Variants in SRPK1 observed in about 807,000 individuals in gnomAD.
SRPK1 encodes the protein SRSF protein kinase 1.
In SRPK1, 52 loss-of-function variants were observed where a neutral mutation model predicts 89.5. The observed-to-expected ratio is 0.58, with a 90% CI of 0.46 to 0.73. SRPK1 has a LOEUF of 0.73. Among genes scored for constraint, SRPK1 ranks in the 30% least tolerant of loss-of-function variants. The pLI is 0.00. For synonymous variants in SRPK1, 255 were observed against 270.2 expected (o/e 0.94, Z 0.55); for missense variants, 603 against 780.6 (o/e 0.77, Z 2.71).
intron 15 of SRPK1, 118 bp from the exon 16 acceptor site, chr6:35,835,606 GA>G: frequency 3.5e-6 from 3 of 846,858 alleles, no homozygotes; most frequent in Non-Finnish European, 3.4e-6. Context: ...TTTGCAATCA[GA>G]ATCTAATCCT....
chr6:35,854,854 A>G (rs1769634515), intron 13 of SRPK1, among the ~76,000 whole-genome samples: 2 of 152,216 alleles, frequency 1.3e-5, no homozygotes, highest in African/African-American at 4.8e-5. Context: ...TCTATCATTT[A>G]TGATTTTCTA....
intron 2 of SRPK1, among the ~76,000 whole-genome samples, chr6:35,914,050 A>G (rs1015857352): frequency 2.3e-4 from 30 of 133,174 alleles, no homozygotes; most frequent in Admixed American, 1.1e-3. Context: ...ATCTCGGCTC[A>G]CTGCAACCTC....
intron 2 of SRPK1, among the ~76,000 whole-genome samples, chr6:35,907,508 C>A (rs1581598699): frequency 6.6e-6 from 1 of 152,010 alleles, no homozygotes; most frequent in Non-Finnish European, 1.5e-5. Flanking sequence ...GAGTTCAAGA[C>A]CAGCCTGACC....
chr6:35,835,368 T>G lies in SRPK1; in HGVS notation c.1904A>C (p.Glu635Ala). Residue 635 changes from glutamate (E) to alanine (A), a missense_variant, in exon 16 of 16, where the codon GAG (glutamate) becomes GCG (alanine). Transcript: ENST00000373825. ...AGTGGCTCTCTTCTCAGGGATCAGC[T>G]CCAACATGGGCAGTAAGAAATCTGT... The part of the protein sequence containing the change: ...GFTDFLLPML[E>A]LIPEKRATAA... The G allele has an allele frequency of 6.2e-7, 1 of 1,613,822 alleles. No individual in the cohort carries two copies. The highest frequency in any genetic ancestry group is 8.5e-7 in the Non-Finnish European group (1 of 1,179,842).
chr6:35,908,820 G>A (rs1469878926), intron 2 of SRPK1, among the ~76,000 whole-genome samples: 1 of 152,236 alleles, frequency 6.6e-6, no homozygotes, highest in Non-Finnish European at 1.5e-5. Flanking sequence ...AAAGCTAAAA[G>A]GGGCTAAGGT....
intron 13 of SRPK1, among the ~76,000 whole-genome samples, chr6:35,850,729 T>C (rs1051405177): frequency 2.1e-4 from 32 of 152,124 alleles, no homozygotes; most frequent in African/African-American, 7.2e-4. Flanking sequence ...CTCTGCCTCA[T>C]ATAGAAAGCA....
chr6:35,850,054 G>T (rs1236411463), intron 13 of SRPK1, among the ~76,000 whole-genome samples: 1 of 152,092 alleles, frequency 6.6e-6, no homozygotes, highest in African/African-American at 2.4e-5. Context: ...ACAGAGACTG[G>T]GGGGTGAAGA....
chr6:35,845,984 C>T (rs1769417567), intron 13 of SRPK1, among the ~76,000 whole-genome samples: 1 of 152,044 alleles, frequency 6.6e-6, no homozygotes, highest in Non-Finnish European at 1.5e-5. Flanking sequence ...CAATCCATAC[C>T]AAAGGGAAGT....
At chr6:35,887,398 G>A (rs1770433663) in intron 5 of SRPK1, among the ~76,000 whole-genome samples, 1 of 152,042 alleles carries the variant, frequency 6.6e-6, no homozygotes, top group Non-Finnish European at 1.5e-5. Flanking sequence ...ATCTCCTGGT[G>A]CAACATTCTC....
chr6:35,842,457 C>T (rs1403714323), intron 14 of SRPK1, 78 bp downstream of exon 14: 46 of 1,131,430 alleles, frequency 4.1e-5, no homozygotes, highest in South Asian at 1.4e-4. Flanking sequence ...TAAGGCTCTT[C>T]GGTACTAACA....
At position 35,835,079 on chromosome 6, in the gene SRPK1, T is replaced by C. The variant is rs1459779109; in HGVS notation, c.*225A>G. On this transcript the variant is annotated 3_prime_UTR_variant, in exon 16 of 16. Transcript: ENST00000373825. ...TTTCACATTTTAGTCCATTAGTCTT[T>C]GGCAGAGCCCAACCAAGGCCAAATT... 2 of 437,418 alleles carry C rather than the reference T, an allele frequency of 4.6e-6. No individual in the cohort carries two copies. The highest frequency in any genetic ancestry group is 3.9e-5 in the African/African-American group (2 of 51,462). The allele number at this position is 437,418 out of a possible 1,614,324, so 27.1% of individuals were successfully genotyped here. A position where few individuals can be genotyped will look rare whatever the true frequency, so the allele number is the denominator to read the frequency against.
intron 2 of SRPK1, among the ~76,000 whole-genome samples, chr6:35,918,313 C>T (rs189931431): frequency 9.2e-5 from 14 of 152,218 alleles, no homozygotes; most frequent in Non-Finnish European, 1.9e-4. Context: ...CCAGCCTGGG[C>T]AACATGGCGA....
intron 6 of SRPK1, among the ~76,000 whole-genome samples, chr6:35,874,561 TTCA>T (rs1770113085): frequency 1.3e-5 from 2 of 152,328 alleles, no homozygotes; most frequent in South Asian, 4.1e-4. Flanking sequence ...GGCGGCTGGC[TTCA>T]TCAATATTAT....
chr6:35,853,936 A>G (rs1474992319), intron 13 of SRPK1, among the ~76,000 whole-genome samples: 1 of 147,742 alleles, frequency 6.8e-6, no homozygotes, highest in Non-Finnish European at 1.5e-5. Flanking sequence ...CTTCACAAAT[A>G]TTTTCCCCTT....
intron 14 of SRPK1, among the ~76,000 whole-genome samples, chr6:35,839,723 A>T (rs1207741970): frequency 6.8e-6 from 1 of 147,560 alleles, no homozygotes; most frequent in African/African-American, 2.5e-5. Context: ...CTCTGTCGCC[A>T]GGCTGGAGTG....
At chr6:35,858,409 T>C (rs1243849915) in intron 12 of SRPK1, among the ~76,000 whole-genome samples, 1 of 152,268 alleles carries the variant, frequency 6.6e-6, no homozygotes, top group African/African-American at 2.4e-5. Context: ...CATCAAATTT[T>C]TAGTATAAGA....
At chr6:35,837,672 C>A (rs533991162) in intron 15 of SRPK1, among the ~76,000 whole-genome samples, 150 of 152,140 alleles carry the variant, frequency 9.9e-4, no homozygotes, top group African/African-American at 3.5e-3. Flanking sequence ...CCTCCCACCC[C>A]AGCTTTCGGA....
intron 6 of SRPK1, among the ~76,000 whole-genome samples, chr6:35,880,168 TA>T (rs200976261): frequency 7.5e-5 from 10 of 132,974 alleles, no homozygotes; most frequent in African/African-American, 8.4e-5. Context: ...TTAATGAGGA[TA>T]AAAAAAAAAC....
rs377241369 is a variant in SRPK1, at chr6:35,887,651, T to A, written c.390+373A>T. 1.6e-4 allele frequency among the ~76,000 whole-genome samples: 25 copies of A among 152,280 alleles called. No individual in the cohort carries two copies. The East Asian group carries it at 4.0e-3, about 25-fold the overall frequency. ...TTTATATTATGTATTCTATAACATA[T>A]TTGAAAAACAACAAAAAAGATGCTA... On this transcript the variant is annotated intron_variant, in intron 5 of 15. Transcript: ENST00000373825.
Sources: allele counts gnomAD v4.1 joint callset (sites outside exome capture counted in the v4.1 genomes callset), GRCh38; gene constraint gnomAD v4.1.1; transcripts MANE v1.5; gene names NCBI Gene and HGNC (gene_info 2026-07-23, HGNC 2026-07-21).